Variants in RTCB observed in about 807,000 individuals in gnomAD.
RTCB encodes the protein RNA 2',3'-cyclic phosphate and 5'-OH ligase, also known as RNA-splicing ligase RTCB.
Under a neutral mutation model 58.2 loss-of-function variants are expected in RTCB, and 32 were observed. That is an observed-to-expected ratio of 0.55 (90% CI 0.41 to 0.74). The LOEUF is 0.74. Ranked by LOEUF, RTCB falls within the 30% of genes least tolerant of loss-of-function variation. The pLI is 0.00. For missense variants in RTCB, 523 were observed against 639.0 expected, an observed-to-expected ratio of 0.82 and a Z score of 1.96; for synonymous variants, 247 against 218.6, an observed-to-expected ratio of 1.13 and a Z score of -1.15.
chr22:32,395,889 C>A (rs889225705), intron 8 of RTCB, among the ~76,000 whole-genome samples, 185 bp downstream of exon 8: 1 of 152,198 alleles, frequency 6.6e-6, no homozygotes, highest in South Asian at 2.1e-4. Context: ...TTAGTAGAGA[C>A]GGGGTTTCAC....
At chr22:32,408,622 C>A in intron 2 of RTCB, 133 bp downstream of exon 2, 1 of 688,252 alleles carries the variant, frequency 1.5e-6, no homozygotes, top group Non-Finnish European at 2.6e-6. Context: ...TAAGTAAGTG[C>A]TTTTGGTCTT....
intron 1 of RTCB, among the ~76,000 whole-genome samples, chr22:32,411,055 C>A (rs1933513809): frequency 6.6e-6 from 1 of 152,160 alleles, no homozygotes; most frequent in Non-Finnish European, 1.5e-5. Context: ...GGTTTCCACA[C>A]AAAGAAAGTG....
intron 9 of RTCB, 110 bp from the exon 10 acceptor site, chr22:32,394,112 T>TTA: frequency 1.1e-5 from 7 of 649,416 alleles, no homozygotes; most frequent in Non-Finnish European, 1.8e-5. Flanking sequence ...AAACCCAGAC[T>TTA]TCTTTTTTTT....
At chr22:32,391,660 T>C (rs1933156636) in intron 11 of RTCB, among the ~76,000 whole-genome samples, 2 of 152,082 alleles carry the variant, frequency 1.3e-5, no homozygotes, top group African/African-American at 4.8e-5. Context: ...CAAAATGCTG[T>C]GATTACAGGC....
intron 3 of RTCB, among the ~76,000 whole-genome samples, 185 bp from the exon 4 acceptor site, chr22:32,406,946 A>G (rs985299948): frequency 3.9e-5 from 6 of 152,216 alleles, no homozygotes; most frequent in African/African-American, 1.4e-4. Flanking sequence ...AGCTAAATAC[A>G]GTGAGAAAAA....
At chr22:32,401,118 C>G (rs1490016402) in intron 5 of RTCB, among the ~76,000 whole-genome samples, 1 of 142,010 alleles carries the variant, frequency 7.0e-6, no homozygotes, top group Non-Finnish European at 1.5e-5. Flanking sequence ...TTAATTGAGA[C>G]AGGGTCACTC....
In RTCB at chr22:32,412,189, C is replaced by A. The variant is rs760116135; in HGVS notation, c.-33G>T. On this transcript the variant is annotated 5_prime_UTR_variant, in exon 1 of 12. Transcript: ENST00000216038. ...AAAACTGTAGCAAAAACTCCCGGCT[C>A]CGCTTTGAAGAGCCGCTGCCGCGTA... 26 of 1,547,818 alleles carry A rather than the reference C, an allele frequency of 1.7e-5. No individual in the cohort carries two copies. Among genetic ancestry groups the A allele is most frequent in the Admixed American group, 1.7e-4 (9 of 54,030 alleles).
chr22:32,408,764 G>T lies in RTCB; in HGVS notation c.163C>A (p.Arg55=), dbSNP rs1484503831. ...LMFEELRNAC[R]GGGVGGFLPA... is the part of the protein sequence containing the mutation. ...ACTCTAATGTACTTACCACCACCTC[G>T]ACAGGCATTCCTTAATTCCTCAAAC... Residue 55 remains arginine (R), a synonymous_variant, in exon 2 of 12, where the codon CGA becomes AGA. Transcript: ENST00000216038. 1.2e-6 allele frequency: 2 copies of T among 1,612,760 alleles called. No homozygotes were observed. The highest frequency in any genetic ancestry group is 1.6e-4 in the Middle Eastern group (1 of 6,062).
At chr22:32,392,200 G>C in intron 11 of RTCB, 40 bp downstream of exon 11, 1 of 1,577,780 alleles carries the variant, frequency 6.3e-7, no homozygotes, top group Non-Finnish European at 8.6e-7. Context: ...TACAAATGGG[G>C]AACAATAAAT....
intron 5 of RTCB, among the ~76,000 whole-genome samples, chr22:32,401,078 A>C (rs1253851836): frequency 6.7e-6 from 1 of 150,174 alleles, no homozygotes; most frequent in East Asian, 2.0e-4. Context: ...GAATCCTGAT[A>C]TCACCTACTA....
intron 11 of RTCB, among the ~76,000 whole-genome samples, chr22:32,389,167 T>C (rs1294234482): frequency 1.3e-5 from 2 of 152,128 alleles, no homozygotes; most frequent in Non-Finnish European, 2.9e-5. Flanking sequence ...CCTGAATCAC[T>C]CCCCAGTACT....
At chr22:32,395,297 G>A (rs750169796) in intron 8 of RTCB, 83 bp from the exon 9 acceptor site, 33 of 1,214,344 alleles carry the variant, frequency 2.7e-5, no homozygotes, top group Non-Finnish European at 3.9e-5. Context: ...ACTGGTTTCA[G>A]GTAGTCTGTT....
intron 11 of RTCB, 66 bp from the exon 12 acceptor site, chr22:32,388,165 T>A: frequency 1.0e-6 from 1 of 962,448 alleles, no homozygotes; most frequent in Non-Finnish European, 1.7e-6. Flanking sequence ...AGCACCAAAC[T>A]TCACTTGTGA....
At chr22:32,393,362 C>T (rs1489392156) in intron 10 of RTCB, among the ~76,000 whole-genome samples, 6 of 152,184 alleles carry the variant, frequency 3.9e-5, no homozygotes, top group South Asian at 2.1e-4. Context: ...AAAATATTTA[C>T]GGTCTGGCCC....
intron 6 of RTCB, 102 bp from the exon 7 acceptor site, chr22:32,398,202 C>CAATACAAACAAA: frequency 1.5e-6 from 2 of 1,313,630 alleles, no homozygotes; most frequent in Non-Finnish European, 2.1e-6. Context: ...ACAAAATAAA[C>CAATACAAACAAA]ATACAAATAG....
chr22:32,396,373 T>TTC, intron 7 of RTCB, 124 bp from the exon 8 acceptor site: 1 of 924,774 alleles, frequency 1.1e-6, no homozygotes, highest in Non-Finnish European at 1.6e-6. Flanking sequence ...AAAGCCAACT[T>TTC]TCCCTTTAAT....
chr22:32,394,411 G>T (rs2072816), intron 9 of RTCB, among the ~76,000 whole-genome samples: 32,221 of 152,036 alleles, frequency 0.21, 3,708 homozygotes, highest in East Asian at 0.44. Flanking sequence ...ACACCCGGCC[G>T]GAGAAACCCA....
At chr22:32,388,202 C>T (rs763642456) in intron 11 of RTCB, 103 bp from the exon 12 acceptor site, 2 of 682,848 alleles carry the variant, frequency 2.9e-6, no homozygotes, top group Non-Finnish European at 4.9e-6. Context: ...TAAAATAATA[C>T]AGAGAGTTTT....
At position 32,392,341 on chromosome 22, in the gene RTCB, C is replaced by T. The variant is rs779690714; in HGVS notation, c.1309G>A (p.Ala437Thr). 3 of 1,613,958 alleles carry T rather than the reference C, an allele frequency of 1.9e-6. No homozygotes were observed. Among genetic ancestry groups the T allele is most frequent in the South Asian group, 1.1e-5 (1 of 91,052 alleles). The change falls in exon 11 of 12, where the codon GCA (alanine) becomes ACA (threonine). Residue 437 changes from alanine (A) to threonine (T), a missense_variant. By Grantham distance (58) the Ala-to-Thr change is moderately conservative. Transcript: ENST00000216038. ...CHGAGRALSR[A>T]KSRRNLDFQD... The stretch of plus-strand genomic sequence containing the variant: ...AAATCTAAATTACGTCGAGATTTTG[C>T]TCGGGACAATGCACGGCCCTAGAAT...
Sources: gnomAD v4.1 joint callset for allele counts (sites outside exome capture counted in the v4.1 genomes callset) on GRCh38, gnomAD v4.1.1 for gene constraint, MANE v1.5 for transcripts, NCBI Gene and HGNC (gene_info 2026-07-23, HGNC 2026-07-21) for gene names.